GRIN2A: variants seen among roughly 807,000 people sequenced by gnomAD.
The protein encoded by GRIN2A is glutamate ionotropic receptor NMDA type subunit 2A.
In GRIN2A, 22 loss-of-function variants were observed where a neutral mutation model predicts 113.4. The ratio of observed to expected loss-of-function variants is 0.19; its 90% CI spans 0.14 to 0.28. GRIN2A has a LOEUF of 0.28. GRIN2A is among the 10% of genes least tolerant of loss of function. The probability of loss-of-function intolerance (pLI) is 1.00; values close to 1 mark genes in which losing one functional copy is unlikely to be tolerated. For synonymous variants in GRIN2A, 827 were observed against 738.4 expected, an observed-to-expected ratio of 1.12 and a Z score of -1.94; for missense variants, 1,502 against 1,887.0, an observed-to-expected ratio of 0.80 and a Z score of 3.78.
chr16:10,006,136 T>A (rs1260631219), intron 2 of GRIN2A, among the ~76,000 whole-genome samples: 1 of 152,216 alleles, frequency 6.6e-6, no homozygotes, highest in African/African-American at 2.4e-5. Flanking sequence ...TAAGCACAAT[T>A]GTCCCAGGAA....
In GRIN2A at chr16:10,017,547, C is replaced by G. The variant is rs150929690; in HGVS notation, c.415-78996G>C. Among the ~76,000 whole-genome samples the G allele has an allele frequency of 1.2e-4, 18 of 152,216 alleles. No homozygotes were observed. In the South Asian group the frequency reaches 3.7e-3, roughly 32 times the overall value. ...TACTCTCTGAGGGTCTCTAAGTGCT[C>G]TGAGAAATATGAACAGTAACAGTTC... On this transcript the variant is annotated intron_variant, in intron 2 of 12. Transcript: ENST00000330684.
chr16:10,115,277 C>T (rs2048709231), intron 2 of GRIN2A, among the ~76,000 whole-genome samples: 1 of 151,962 alleles, frequency 6.6e-6, no homozygotes, highest in Non-Finnish European at 1.5e-5. Context: ...TTTCAAAATG[C>T]TGGAGAACTG....
intron 2 of GRIN2A, among the ~76,000 whole-genome samples, chr16:10,086,957 C>G (rs920228003): frequency 3.9e-5 from 6 of 152,204 alleles, no homozygotes; most frequent in African/African-American, 1.4e-4. Flanking sequence ...ATGGTTTTCT[C>G]TTGAGCATGA....
intron 2 of GRIN2A, among the ~76,000 whole-genome samples, chr16:10,097,765 C>T (rs937668819): frequency 2.0e-5 from 3 of 152,298 alleles, no homozygotes; most frequent in Middle Eastern, 6.8e-3. Context: ...AGTGGATCCT[C>T]ATCTCTCACC....
chr16:9,963,109 C>CT (rs1567203181), intron 2 of GRIN2A, among the ~76,000 whole-genome samples: 2 of 119,302 alleles, frequency 1.7e-5, no homozygotes, highest in Admixed American at 1.1e-4. Context: ...CATCACACAT[C>CT]GGGGACTGTT....
At chr16:9,841,151 T>A (rs767550516) in intron 5 of GRIN2A, 47 bp from the exon 6 acceptor site, 6 of 1,469,072 alleles carry the variant, frequency 4.1e-6, no homozygotes, top group Non-Finnish European at 5.7e-6. Context: ...ACTGGAAGGT[T>A]TGTTCACAAT....
intron 11 of GRIN2A, among the ~76,000 whole-genome samples, chr16:9,784,413 A>AGAGCAAAACTCTAACAACAACAAC (rs745844363): frequency 2.0e-5 from 3 of 151,006 alleles, no homozygotes; most frequent in Admixed American, 6.6e-5. Context: ...CTGGGCTACA[A>AGAGCAAAACTCTAACAACAACAAC]GAGCAAAACT....
chr16:9,819,795 C>T (rs1354272667), intron 10 of GRIN2A, among the ~76,000 whole-genome samples: 2 of 151,900 alleles, frequency 1.3e-5, no homozygotes, highest in African/African-American at 2.4e-5. Flanking sequence ...GAAACCCTGT[C>T]TCTACAAAAA....
intron 3 of GRIN2A, among the ~76,000 whole-genome samples, chr16:9,929,482 A>G (rs1160096758): frequency 6.6e-6 from 1 of 152,150 alleles, no homozygotes; most frequent in Non-Finnish European, 1.5e-5. Context: ...TTATAGCCCA[A>G]ATATGCATTA....
At chr16:9,839,944 G>C (rs1009293619) in intron 7 of GRIN2A, among the ~76,000 whole-genome samples, 1 of 152,066 alleles carries the variant, frequency 6.6e-6, no homozygotes, top group Non-Finnish European at 1.5e-5. Context: ...GGCCAACATG[G>C]CGAAACCCCA....
chr16:9,880,198 A>T lies in GRIN2A; in HGVS notation c.1122+10788T>A, dbSNP rs140160654. 1.0e-3 allele frequency among the ~76,000 whole-genome samples: 153 copies of T among 152,206 alleles called. 2 individuals are homozygous for T. In the East Asian group the frequency reaches 0.028, roughly 28 times the overall value. On this transcript the variant is annotated intron_variant, in intron 4 of 12. Coordinates refer to ENST00000330684, the MANE Select transcript of GRIN2A (RefSeq NM_001134407.3). The stretch of plus-strand genomic sequence containing the variant: ...TCCAAGCTCACTCAGATTGTTGGGC[A>T]AGCTCACCTCCTTGGGGTTATATGT...
Position 9,764,820 on chromosome 16 carries a change from G to A in GRIN2A, c.2724C>T (p.Ser908=), listed in dbSNP as rs2141137613. 1 of 1,614,156 alleles carries A rather than the reference G, an allele frequency of 6.2e-7. No homozygotes were observed. The highest frequency in any genetic ancestry group is 1.1e-5 in the South Asian group (1 of 91,074). The part of the protein sequence containing the change: ...LRSAKNISSM[S]NMNSSRMDSP... ...AGTCCATTCTTGAGGAGTTCATGTT[G>A]GACATGCTGGAAATGTTTTTGGCTG... The change falls in exon 13 of 13, where the codon TCC becomes TCT. Residue 908 remains serine (S), a synonymous_variant. Coordinates refer to ENST00000330684, the MANE Select transcript of GRIN2A (RefSeq NM_001134407.3).
chr16:9,982,063 C>T (rs1262132271), intron 2 of GRIN2A, among the ~76,000 whole-genome samples: 1 of 152,208 alleles, frequency 6.6e-6, no homozygotes, highest in African/African-American at 2.4e-5. Context: ...GCTGGGATTA[C>T]AGGTGTGAGC....
intron 7 of GRIN2A, 106 bp from the exon 8 acceptor site, chr16:9,834,336 C>T: frequency 9.7e-7 from 1 of 1,033,758 alleles, no homozygotes; most frequent in South Asian, 1.3e-5. Context: ...AATATTTTCT[C>T]TAATTTGAAT....
At chr16:9,957,091 T>C (rs1596361244) in intron 2 of GRIN2A, among the ~76,000 whole-genome samples, 2 of 152,178 alleles carry the variant, frequency 1.3e-5, no homozygotes, top group South Asian at 4.1e-4. Context: ...AAGGTGTTAA[T>C]TCCCTTATTA....
intron 4 of GRIN2A, among the ~76,000 whole-genome samples, chr16:9,879,470 A>C (rs1026220692): frequency 2.0e-5 from 3 of 152,220 alleles, no homozygotes; most frequent in African/African-American, 7.2e-5. Flanking sequence ...GAATCAGTGC[A>C]GCCAATGCCA....
chr16:10,098,634 G>A (rs909015271), intron 2 of GRIN2A, among the ~76,000 whole-genome samples: 1 of 152,088 alleles, frequency 6.6e-6, no homozygotes, highest in Non-Finnish European at 1.5e-5. Flanking sequence ...GCCTTAAAAA[G>A]GAATGAATTA....
At chr16:9,835,909 A>C (rs1054138323) in intron 7 of GRIN2A, among the ~76,000 whole-genome samples, 2 of 152,210 alleles carry the variant, frequency 1.3e-5, no homozygotes, top group Non-Finnish European at 2.9e-5. Context: ...TGATAGTGCA[A>C]ATATATTAAA....
At chr16:10,090,640 A>T (rs1057020504) in intron 2 of GRIN2A, among the ~76,000 whole-genome samples, 23 of 152,220 alleles carry the variant, frequency 1.5e-4, no homozygotes, top group African/African-American at 4.8e-4. Flanking sequence ...GCTCTTAGAC[A>T]CAAAACCATT....
Sources: gnomAD v4.1 joint callset for allele counts (sites outside exome capture counted in the v4.1 genomes callset) on GRCh38, gnomAD v4.1.1 for gene constraint, MANE v1.5 for transcripts, NCBI Gene and HGNC (gene_info 2026-07-23, HGNC 2026-07-21) for gene names.